NFKBIZ: variants seen among roughly 807,000 people sequenced by gnomAD.
The protein encoded by NFKBIZ is NF-kappa-B inhibitor zeta.
NFKBIZ carries 19 observed loss-of-function variants against 76.8 expected under a neutral mutation model. That is an observed-to-expected ratio of 0.25 (90% CI 0.17 to 0.36). The LOEUF is 0.36. NFKBIZ is among the 10% of genes least tolerant of loss of function. The pLI is 1.00. For missense variants in NFKBIZ, 829 were observed against 910.9 expected, an observed-to-expected ratio of 0.91 and a Z score of 1.16; for synonymous variants, 368 against 354.8, an observed-to-expected ratio of 1.04 and a Z score of -0.42.
At position 101,860,161 on chromosome 3, in the gene NFKBIZ, A is replaced by G. The variant is rs1319720422; in HGVS notation, c.*790A>G. The G allele has an allele frequency of 1.3e-5, 2 of 150,630 alleles. No individual in the cohort carries two copies. The highest frequency in any genetic ancestry group is 4.9e-5 in the African/African-American group (2 of 40,982). 9.3% of individuals were successfully genotyped at this position (150,630 alleles called of 1,614,324 possible). The stretch of plus-strand genomic sequence containing the variant: ...TTCTCATGCATTGAAATTATACATT[A>G]TTTGTAGGGAATTGCATGCTTTTTT... On this transcript the variant is annotated 3_prime_UTR_variant, in exon 12 of 12. Coordinates refer to ENST00000326172, the MANE Select transcript of NFKBIZ (RefSeq NM_031419.4).
At chr3:101,845,489 T>TG, upstream of NFKBIZ, among the ~76,000 whole-genome samples, 1 of 152,032 alleles carries the variant, frequency 6.6e-6, no homozygotes, top group East Asian at 2.0e-4. Flanking sequence ...TATGTAGAGA[T>TG]GGGGTCTCAT....
chr3:101,849,563 G>C lies in NFKBIZ; in HGVS notation c.-66G>C, dbSNP rs1303744220. Reference sequence around the variant, plus strand: ...CCGACAGCTCCCTGAGCCAGCCCGGGAGGCAGCCGCGCGCAGCGAGCCGGT... The same window carrying C: ...CCGACAGCTCCCTGAGCCAGCCCGGCAGGCAGCCGCGCGCAGCGAGCCGGT... On this transcript the variant is annotated 5_prime_UTR_variant, in exon 1 of 12. Transcript: ENST00000326172. The C allele has an allele frequency of 7.8e-7, 1 of 1,275,226 alleles. No individual in the cohort carries two copies. Among genetic ancestry groups the C allele is most frequent in the Admixed American group, 4.3e-5 (1 of 23,496 alleles). The allele number at this position is 1,275,226 out of a possible 1,614,324, so 79.0% of individuals were successfully genotyped here.
At chr3:101,834,406 G>A (rs1165341149) in intron 2 of NFKBIZ, among the ~76,000 whole-genome samples, 1 of 151,386 alleles carries the variant, frequency 6.6e-6, no homozygotes, top group Admixed American at 6.6e-5. Flanking sequence ...TGTTACCCAG[G>A]CTGGAGTGCA....
intron 2 of NFKBIZ, among the ~76,000 whole-genome samples, chr3:101,840,924 G>T (rs1219574929): frequency 6.6e-6 from 1 of 152,222 alleles, no homozygotes. Context: ...ATAAAAGGAA[G>T]TTGCAGAGAG....
rs372507341 is a variant in NFKBIZ at position 101,833,588 on chromosome 3, G to A, written c.-12+3900G>A. On this transcript the variant is annotated intron_variant, in intron 2 of 12. Coordinates refer to the NFKBIZ transcript ENST00000394054. ...GAAGATAAGAGTTTGGAAACTGAAA[G>A]TGATCACTGGGCAAGGCTGCCAAAT... Among the ~76,000 whole-genome samples the A allele has an allele frequency of 2.8e-4, 43 of 152,334 alleles. 1 individual carries two copies. In the South Asian group the frequency reaches 8.7e-3, roughly 31 times the overall value.
At chr3:101,855,694 G>A (rs1193446213) in intron 8 of NFKBIZ, 39 bp from the exon 9 acceptor site, 1 of 1,549,200 alleles carries the variant, frequency 6.5e-7, no homozygotes, top group Admixed American at 2.1e-5. Flanking sequence ...AAGACCTGAT[G>A]GGATGCTTGA....
In NFKBIZ at chr3:101,857,277, T is replaced by G; in HGVS notation, c.1936-15T>G. On this transcript the variant is annotated splice_polypyrimidine_tract_variant and intron_variant, in intron 10 of 11. Coordinates refer to ENST00000326172, the MANE Select transcript of NFKBIZ (RefSeq NM_031419.4). The stretch of plus-strand genomic sequence containing the variant: ...CCCCTTCCTGATGTCTGATAATTCA[T>G]TTCTTTGTCTTCAGGCTTACAATGG... 6.2e-7 allele frequency: 1 copy of G among 1,614,030 alleles called. No homozygotes were observed. The highest frequency in any genetic ancestry group is 8.5e-7 in the Non-Finnish European group (1 of 1,179,898).
At chr3:101,842,160 G>A (rs1368292518) in intron 2 of NFKBIZ, among the ~76,000 whole-genome samples, 2 of 152,128 alleles carry the variant, frequency 1.3e-5, no homozygotes, top group Non-Finnish European at 2.9e-5. Context: ...GGGGAGGAAG[G>A]GAGGGTCAGG....
Position 101,859,438 on chromosome 3 carries a change from A to C in NFKBIZ, c.*67A>C. The C allele has an allele frequency of 7.5e-7, 1 of 1,333,872 alleles. No homozygotes were observed. The highest frequency in any genetic ancestry group is 1.1e-6 in the Non-Finnish European group (1 of 928,268). The allele number at this position is 1,333,872 out of a possible 1,614,324, so 82.6% of individuals were successfully genotyped here. ...TTAGGCAGTCCTGATGTATCTGTAC[A>C]TAGACCATTTGCCTTATATTGGCAA... On this transcript the variant is annotated 3_prime_UTR_variant, in exon 12 of 12. Transcript: ENST00000326172.
At chr3:101,854,288 A>T (rs1017211479) in intron 5 of NFKBIZ, among the ~76,000 whole-genome samples, 1 of 152,180 alleles carries the variant, frequency 6.6e-6, no homozygotes, top group Admixed American at 6.5e-5. Context: ...GTGTAAAATG[A>T]TAATACCTCT....
intron 2 of NFKBIZ, among the ~76,000 whole-genome samples, chr3:101,841,057 A>G (rs1277804476): frequency 6.6e-6 from 1 of 152,206 alleles, no homozygotes; most frequent in Non-Finnish European, 1.5e-5. Context: ...ACTGAGCAGG[A>G]TGTTCTGAGA....
chr3:101,851,998 T>C, intron 1 of NFKBIZ, 87 bp from the exon 2 acceptor site: 2 of 1,503,286 alleles, frequency 1.3e-6, no homozygotes, highest in Non-Finnish European at 1.8e-6. Flanking sequence ...CTTTATACAT[T>C]AGGCAACAGC....
rs762852140 is a variant in NFKBIZ, at chr3:101,857,393, A to G, written c.2037A>G (p.Pro679=). 14 of 1,614,238 alleles carry G rather than the reference A, an allele frequency of 8.7e-6. No individual in the cohort carries two copies. In the East Asian group the frequency reaches 3.1e-4, roughly 36 times the overall value. Residue 679 remains proline, a synonymous_variant, in exon 11 of 12, where the codon CCA becomes CCG. Transcript: ENST00000326172. ...TGTTGATGAGGAAGGGAGCAGACCCAAGTACTCGGAACTTGGAGAACGAAC... is the reference window on the plus strand; with the variant it reads ...TGTTGATGAGGAAGGGAGCAGACCCGAGTACTCGGAACTTGGAGAACGAAC... ...VRLLMRKGAD[P]STRNLENEQP... is the part of the protein sequence containing the mutation.
chr3:101,849,434 G>A, upstream of NFKBIZ: 1 of 396,394 alleles, frequency 2.5e-6, no homozygotes, highest in Non-Finnish European at 4.3e-6. Flanking sequence ...CCCGGGCACC[G>A]CCAATGGCCG....
intron 1 of NFKBIZ, chr3:101,850,271 T>G (rs1576813966): frequency 4.6e-6 from 1 of 217,088 alleles, no homozygotes; most frequent in Non-Finnish European, 9.0e-6. Flanking sequence ...CTGATGTAGG[T>G]GTAATTTTCT....
chr3:101,850,057 C>G, intron 1 of NFKBIZ, 140 bp downstream of exon 1: 1 of 872,782 alleles, frequency 1.1e-6, no homozygotes, highest in South Asian at 3.6e-5. Flanking sequence ...ATTACCACTC[C>G]CCGCCTTGCC....
chr3:101,844,969 C>T (rs1942830067), upstream of NFKBIZ, among the ~76,000 whole-genome samples: 1 of 152,136 alleles, frequency 6.6e-6, no homozygotes, highest in South Asian at 2.1e-4. Context: ...TACATCTACA[C>T]TTAAAAATCC....
chr3:101,853,194 T>C lies in NFKBIZ; in HGVS notation c.668T>C (p.Ile223Thr). ...GATCTGCTTCAGAACATTATCAACA[T>C]TAAGAATGAATGCAGCCCCGTTTCC... is the stretch of plus-strand genomic sequence containing the variant. ...SADLLQNIINIKNECSPVSLN... is the reference protein window; with the variant it reads ...SADLLQNIINTKNECSPVSLN... The change falls in exon 5 of 12, where the codon ATT (isoleucine) becomes ACT (threonine). Residue 223 changes from isoleucine (I) to threonine (T), a missense_variant. Physicochemically the swap from Ile to Thr is moderately conservative, Grantham distance 89. Coordinates refer to ENST00000326172, the MANE Select transcript of NFKBIZ (RefSeq NM_031419.4). 1 of 1,614,064 alleles carries C rather than the reference T, an allele frequency of 6.2e-7. No individual in the cohort carries two copies. Among genetic ancestry groups the C allele is most frequent in the Non-Finnish European group, 8.5e-7 (1 of 1,180,012 alleles).
At chr3:101,856,054 A>G (rs951485501) in intron 9 of NFKBIZ, 152 bp downstream of exon 9, 2 of 478,354 alleles carry the variant, frequency 4.2e-6, no homozygotes, top group Non-Finnish European at 6.8e-6. Context: ...GAAGCCCAGA[A>G]TTTTTTTTTT....
Sources: gnomAD v4.1 joint callset for allele counts (sites outside exome capture counted in the v4.1 genomes callset) on GRCh38, gnomAD v4.1.1 for gene constraint, MANE v1.5 for transcripts, NCBI Gene and HGNC (gene_info 2026-07-23, HGNC 2026-07-21) for gene names.